The following SYT1 variants were observed in gnomAD, a reference collection of about 807,000 sequenced individuals.
SYT1 encodes synaptotagmin 1.
In SYT1, 8 loss-of-function variants were observed where a neutral mutation model predicts 44.8. The observed-to-expected ratio is 0.18, with a 90% CI of 0.10 to 0.32. The LOEUF (loss-of-function observed/expected upper bound fraction) is 0.32, where lower values mean the gene tolerates loss of function less well. SYT1 is among the 10% of genes least tolerant of loss of function. The pLI is 1.00. For missense variants in SYT1, 286 were observed against 509.3 expected (o/e 0.56, Z 4.22); for synonymous variants, 154 against 188.8 (o/e 0.82, Z 1.51).
chr12:79,006,278 G>A (rs1317944399), intron 2 of SYT1, among the ~76,000 whole-genome samples: 4 of 152,060 alleles, frequency 2.6e-5, no homozygotes, highest in South Asian at 2.1e-4. Context: ...TATTAGATTC[G>A]GTCATCAAAG....
intron 4 of SYT1, among the ~76,000 whole-genome samples, chr12:79,254,675 A>G (rs1032180161): frequency 9.9e-5 from 15 of 152,248 alleles, no homozygotes; most frequent in African/African-American, 3.6e-4. Context: ...AGTATTCATC[A>G]TTCTAGATGC....
chr12:78,924,902 A>G (rs918979148), intron 1 of SYT1, among the ~76,000 whole-genome samples: 1 of 151,728 alleles, frequency 6.6e-6, no homozygotes, highest in Non-Finnish European at 1.5e-5. Flanking sequence ...AGAAGCCTAG[A>G]TCATGGGCTA....
chr12:79,020,380 C>T (rs1409552524), intron 2 of SYT1, among the ~76,000 whole-genome samples: 1 of 151,796 alleles, frequency 6.6e-6, no homozygotes, highest in African/African-American at 2.4e-5. Context: ...TAACAGGATG[C>T]CCAGGACATT....
At chr12:79,257,652 T>C (rs547723631) in intron 4 of SYT1, among the ~76,000 whole-genome samples, 132 of 152,278 alleles carry the variant, frequency 8.7e-4, no homozygotes, top group African/African-American at 3.0e-3. Flanking sequence ...AACCCCCGGC[T>C]GATTTTTTGT....
At chr12:78,936,933 CAA>C (rs949170805) in intron 1 of SYT1, among the ~76,000 whole-genome samples, 3 of 152,146 alleles carry the variant, frequency 2.0e-5, no homozygotes, top group Non-Finnish European at 4.4e-5. Flanking sequence ...TTCTACCCTC[CAA>C]AAGACAGGGG....
intron 2 of SYT1, among the ~76,000 whole-genome samples, chr12:79,004,054 T>C (rs572989820): frequency 1.3e-5 from 2 of 152,028 alleles, no homozygotes; most frequent in East Asian, 3.9e-4. Flanking sequence ...ATGACCCTCC[T>C]TTTTAAAAAT....
At chr12:79,324,015 A>G (rs957405989) in intron 8 of SYT1, among the ~76,000 whole-genome samples, 32 of 146,664 alleles carry the variant, frequency 2.2e-4, no homozygotes, top group African/African-American at 6.3e-4. Context: ...CAGTGGCGCA[A>G]TCTCAGCTCA....
intron 3 of SYT1, among the ~76,000 whole-genome samples, chr12:79,181,020 C>T (rs1439225155): frequency 6.6e-6 from 1 of 151,982 alleles, no homozygotes; most frequent in East Asian, 1.9e-4. Flanking sequence ...TCCTTGCTGC[C>T]GCCACATGAA....
At chr12:79,207,341 AG>A (rs1303252021) in intron 3 of SYT1, among the ~76,000 whole-genome samples, 4 of 152,222 alleles carry the variant, frequency 2.6e-5, no homozygotes, top group African/African-American at 9.6e-5. Flanking sequence ...ATCTCTCCTC[AG>A]AGAAAACAAA....
At position 79,044,139 on chromosome 12, in the gene SYT1, C is replaced by T. The variant is rs1403675835; in HGVS notation, c.-83-3158C>T. ...CTCTTCTCGAGGAGTATCTTTGTGGCATTCTCTGTATTTCCTGAATCTGAA... is the reference window on the plus strand; with the variant it reads ...CTCTTCTCGAGGAGTATCTTTGTGGTATTCTCTGTATTTCCTGAATCTGAA... On this transcript the variant is annotated intron_variant, in intron 2 of 10. Transcript: ENST00000261205. Among the ~76,000 whole-genome samples, 24 of 151,976 alleles carry T rather than the reference C, an allele frequency of 1.6e-4. No homozygotes were observed. In the East Asian group the frequency reaches 2.5e-3, roughly 16 times the overall value.
At chr12:79,386,819 G>A (rs1884453376) in intron 9 of SYT1, among the ~76,000 whole-genome samples, 1 of 152,104 alleles carries the variant, frequency 6.6e-6, no homozygotes, top group Non-Finnish European at 1.5e-5. Context: ...TGCGCCTATA[G>A]CATTCTCATT....
At chr12:79,279,490 A>G (rs1878925095) in intron 4 of SYT1, among the ~76,000 whole-genome samples, 1 of 152,010 alleles carries the variant, frequency 6.6e-6, no homozygotes, top group Admixed American at 6.6e-5. Context: ...AATAGAAGGA[A>G]AAGGAACATA....
At chr12:79,007,208 C>G (rs1476947448) in intron 2 of SYT1, among the ~76,000 whole-genome samples, 1 of 152,082 alleles carries the variant, frequency 6.6e-6, no homozygotes, top group Non-Finnish European at 1.5e-5. Flanking sequence ...CTAAATATAG[C>G]AACTGTTTAA....
At chr12:79,394,373 C>CA (rs1227612713) in intron 9 of SYT1, among the ~76,000 whole-genome samples, 1 of 151,788 alleles carries the variant, frequency 6.6e-6, no homozygotes, top group Non-Finnish European at 1.5e-5. Flanking sequence ...AATGCAGCTA[C>CA]AAAAAAAATT....
chr12:78,982,788 T>G (rs753321215), intron 2 of SYT1, among the ~76,000 whole-genome samples: 1 of 152,190 alleles, frequency 6.6e-6, no homozygotes, highest in African/African-American at 2.4e-5. Flanking sequence ...CTTGATAATA[T>G]TTCCTACAGT....
chr12:79,195,329 T>G (rs573813928), intron 3 of SYT1, among the ~76,000 whole-genome samples: 55 of 152,324 alleles, frequency 3.6e-4, no homozygotes, highest in African/African-American at 1.3e-3. Context: ...CCAAAAATTT[T>G]AACTAGTTTT....
chr12:79,106,742 A>T (rs2138074527), intron 3 of SYT1, among the ~76,000 whole-genome samples: 1 of 152,064 alleles, frequency 6.6e-6, no homozygotes, highest in East Asian at 1.9e-4. Context: ...CATAATAGCT[A>T]AAGGTGATGA....
intron 3 of SYT1, among the ~76,000 whole-genome samples, chr12:79,116,839 A>G (rs1393211360): frequency 6.6e-6 from 1 of 152,118 alleles, no homozygotes; most frequent in African/African-American, 2.4e-5. Context: ...CCTACACCAA[A>G]ATCCTGAGTT....
chr12:79,349,166 G>C (rs1254823309), intron 8 of SYT1, among the ~76,000 whole-genome samples: 1 of 150,534 alleles, frequency 6.6e-6, no homozygotes, highest in East Asian at 1.9e-4. Context: ...GGGGAAGGAA[G>C]GAAAGAAGGG....
Sources: gnomAD v4.1 joint callset for allele counts (sites outside exome capture counted in the v4.1 genomes callset) on GRCh38, gnomAD v4.1.1 for gene constraint, MANE v1.5 for transcripts, NCBI Gene and HGNC (gene_info 2026-07-23, HGNC 2026-07-21) for gene names.